RAI14: variants seen among roughly 807,000 people sequenced by gnomAD.
RAI14 encodes the protein retinoic acid induced 14.
In RAI14, 45 loss-of-function variants were observed where a neutral mutation model predicts 115.4. The observed-to-expected ratio is 0.39, with a 90% CI of 0.31 to 0.50. RAI14 has a LOEUF of 0.50. Among genes scored for constraint, RAI14 ranks in the 20% least tolerant of loss-of-function variants. The pLI is 0.85. For synonymous variants in RAI14, 371 were observed against 415.4 expected, an observed-to-expected ratio of 0.89 and a Z score of 1.30; for missense variants, 939 against 1,131.2, an observed-to-expected ratio of 0.83 and a Z score of 2.44.
chr5:34,771,403 G>T (rs1365606771), intron 3 of RAI14, among the ~76,000 whole-genome samples: 1 of 152,158 alleles, frequency 6.6e-6, no homozygotes. Flanking sequence ...AAGAAAGACT[G>T]GTTTGAGAGA....
intron 8 of RAI14, 22 bp downstream of exon 8, chr5:34,811,140 A>G (rs751014274): frequency 1.9e-6 from 3 of 1,609,848 alleles, no homozygotes; most frequent in East Asian, 4.5e-5. Flanking sequence ...TTAGGCAGAA[A>G]TCATGTGACT....
At chr5:34,821,081 T>C (rs887420747) in intron 13 of RAI14, among the ~76,000 whole-genome samples, 8 of 152,196 alleles carry the variant, frequency 5.3e-5, no homozygotes, top group African/African-American at 1.9e-4. Context: ...AGTAGCAGTG[T>C]CATGAACCTG....
chr5:34,818,955 C>A, intron 13 of RAI14, 104 bp downstream of exon 13: 3 of 1,035,192 alleles, frequency 2.9e-6, no homozygotes, highest in Admixed American at 4.8e-5. Context: ...AAAAATGTCA[C>A]AAGCCAGCAT....
intron 2 of RAI14, among the ~76,000 whole-genome samples, chr5:34,698,088 TCCTCCCCTTCCCTCCCTTTCTCCCC>T (rs1739499216): frequency 4.8e-5 from 2 of 41,852 alleles, no homozygotes; most frequent in African/African-American, 2.2e-4. Flanking sequence ...CCTCCTCCCC[TCCTCCCCTTCCCTCCCTTTCTCCCC>T]CCTCCCCTCC....
chr5:34,688,200 T>C, intron 2 of RAI14: 2 of 1,551,096 alleles, frequency 1.3e-6, no homozygotes, highest in Non-Finnish European at 1.7e-6. Flanking sequence ...GCTGGCTGTA[T>C]GTTATGCAGC....
chr5:34,752,545 C>T (rs114326998), intron 2 of RAI14, among the ~76,000 whole-genome samples: 13,347 of 151,814 alleles, frequency 0.088, 780 homozygotes, highest in Middle Eastern at 0.13. Context: ...CAGAGAGAGG[C>T]CACCAGGAAA....
intron 5 of RAI14, among the ~76,000 whole-genome samples, chr5:34,805,392 T>C (rs951273812): frequency 6.6e-6 from 1 of 152,164 alleles, no homozygotes; most frequent in African/African-American, 2.4e-5. Flanking sequence ...CCCACTCCTA[T>C]ACTCTCTGCA....
rs1361746253 is a variant in RAI14 at position 34,762,757 on chromosome 5, G to A, written c.167+5159G>A. On this transcript the variant is annotated intron_variant, in intron 3 of 17. Coordinates refer to ENST00000265109, the MANE Select transcript of RAI14 (RefSeq NM_015577.3). ...GGTCAATGTCCTCAAACCTCTTACC[G>A]TAGAAGAGTCTAATTGTTTCAAGAT... is the stretch of plus-strand genomic sequence containing the variant. Among the ~76,000 whole-genome samples, 7 of 152,242 alleles carry A rather than the reference G, an allele frequency of 4.6e-5. No homozygotes were observed. In the South Asian group the frequency reaches 6.2e-4, roughly 14 times the overall value.
intron 13 of RAI14, among the ~76,000 whole-genome samples, chr5:34,819,248 G>C (rs1260280585): frequency 4.6e-5 from 7 of 152,036 alleles, no homozygotes. Context: ...TAAAAATTAT[G>C]GCAGTTATTA....
intron 3 of RAI14, 73 bp from the exon 4 acceptor site, chr5:34,795,866 G>A (rs1054605225): frequency 2.5e-6 from 3 of 1,199,462 alleles, no homozygotes; most frequent in East Asian, 5.5e-5. Flanking sequence ...CGGGGGGCGG[G>A]GGGGAAACTC....
At chr5:34,695,498 G>A (rs993197385) in intron 2 of RAI14, among the ~76,000 whole-genome samples, 1 of 151,296 alleles carries the variant, frequency 6.6e-6, no homozygotes, top group Non-Finnish European at 1.5e-5. Flanking sequence ...TGTGGCTCTT[G>A]AGCATTTGAA....
chr5:34,719,854 AT>A (rs1742450155), intron 2 of RAI14, among the ~76,000 whole-genome samples: 1 of 152,180 alleles, frequency 6.6e-6, no homozygotes, highest in Admixed American at 6.5e-5. Flanking sequence ...ATTCAAAGAT[AT>A]TTTTTGTGGT....
intron 3 of RAI14, among the ~76,000 whole-genome samples, chr5:34,774,169 A>G (rs766718004): frequency 2.9e-4 from 44 of 151,566 alleles, no homozygotes; most frequent in Non-Finnish European, 5.9e-4. Flanking sequence ...CCTGGCCAAC[A>G]TGGTGAAATC....
chr5:34,807,669 C>T, intron 5 of RAI14, 131 bp from the exon 6 acceptor site: 1 of 730,876 alleles, frequency 1.4e-6, no homozygotes, highest in East Asian at 2.6e-5. Context: ...CCCTGGAACA[C>T]AGCAGCTGGG....
At chr5:34,768,817 C>T (rs1033998122) in intron 3 of RAI14, among the ~76,000 whole-genome samples, 4 of 152,002 alleles carry the variant, frequency 2.6e-5, no homozygotes, top group African/African-American at 9.7e-5. Context: ...GGTGAAATGC[C>T]GTCTGTACTA....
In RAI14 at chr5:34,811,969, G is replaced by A. The variant is rs745505260; in HGVS notation, c.736+24G>A. The stretch of plus-strand genomic sequence containing the variant: ...TGGTATGTAAAAGAAAATAGCCAAT[G>A]TTGTTTTAAGTTTATCCACTCCATT... On this transcript the variant is annotated intron_variant, in intron 9 of 17. Coordinates refer to ENST00000265109, the MANE Select transcript of RAI14 (RefSeq NM_015577.3). 1.9e-6 allele frequency: 3 copies of A among 1,566,998 alleles called. No homozygotes were observed. The South Asian group carries it at 3.4e-5, about 18-fold the overall frequency.
chr5:34,698,053 AC>A (rs1304790867), intron 2 of RAI14, among the ~76,000 whole-genome samples: 9 of 30,456 alleles, frequency 3.0e-4, no homozygotes, highest in Non-Finnish European at 5.1e-4. Context: ...TCCCTTCCCC[AC>A]CCCTCCCCTT....
At chr5:34,803,916 A>G in intron 5 of RAI14, 140 bp downstream of exon 5, 4 of 687,690 alleles carry the variant, frequency 5.8e-6, no homozygotes, top group Non-Finnish European at 9.7e-6. Context: ...AAGAAGCTTC[A>G]TGATTGAAAT....
At chr5:34,742,645 T>C (rs767852941) in intron 2 of RAI14, among the ~76,000 whole-genome samples, 1 of 151,584 alleles carries the variant, frequency 6.6e-6, no homozygotes, top group Non-Finnish European at 1.5e-5. Flanking sequence ...CAGTTTGCTG[T>C]TTTTTGTTTT....
Sources: allele counts gnomAD v4.1 joint callset (sites outside exome capture counted in the v4.1 genomes callset), GRCh38; gene constraint gnomAD v4.1.1; transcripts MANE v1.5; gene names NCBI Gene and HGNC (gene_info 2026-07-23, HGNC 2026-07-21).